Variants in GABRA4 observed in about 807,000 individuals in gnomAD.
GABRA4 encodes gamma-aminobutyric acid receptor subunit alpha-4.
GABRA4 carries 12 observed loss-of-function variants against 49.7 expected under a neutral mutation model. The observed-to-expected ratio is 0.24, with a 90% CI of 0.15 to 0.39. GABRA4 has a LOEUF of 0.39. Among genes scored for constraint, GABRA4 ranks in the 10% least tolerant of loss-of-function variants. The pLI is 1.00. For synonymous variants in GABRA4, 288 were observed against 240.2 expected, an observed-to-expected ratio of 1.20 and a Z score of -1.84; for missense variants, 506 against 686.0, an observed-to-expected ratio of 0.74 and a Z score of 2.93.
At chr4:46,938,592 G>T (rs1247822721) in intron 8 of GABRA4, among the ~76,000 whole-genome samples, 2 of 152,058 alleles carry the variant, frequency 1.3e-5, no homozygotes, top group Non-Finnish European at 2.9e-5. Flanking sequence ...GCTGAATTTG[G>T]AATTCCAATT....
chr4:46,978,289 T>C (rs1208108969), intron 3 of GABRA4, among the ~76,000 whole-genome samples: 1 of 151,896 alleles, frequency 6.6e-6, no homozygotes, highest in African/African-American at 2.4e-5. Flanking sequence ...AGCAATTAGA[T>C]CAACATGAAA....
At chr4:46,966,415 A>G (rs909097625) in intron 7 of GABRA4, among the ~76,000 whole-genome samples, 10 of 151,802 alleles carry the variant, frequency 6.6e-5, no homozygotes, top group African/African-American at 2.4e-4. Context: ...CCGATGCAAT[A>G]TTAAAGGAAT....
chr4:46,964,676 C>T (rs1035955319), intron 8 of GABRA4, among the ~76,000 whole-genome samples: 4 of 151,698 alleles, frequency 2.6e-5, no homozygotes, highest in Admixed American at 1.3e-4. Context: ...CAGGTTCCTC[C>T]TAATAGTATA....
intron 2 of GABRA4, among the ~76,000 whole-genome samples, chr4:46,986,556 C>T (rs534601387): frequency 6.6e-6 from 1 of 152,070 alleles, no homozygotes; most frequent in Non-Finnish European, 1.5e-5. Flanking sequence ...TCTGGAGCCA[C>T]CTCCTAACAT....
chr4:46,957,559 G>C (rs1216258199), intron 8 of GABRA4, among the ~76,000 whole-genome samples: 1 of 151,876 alleles, frequency 6.6e-6, no homozygotes, highest in Non-Finnish European at 1.5e-5. Context: ...CGTTATTATG[G>C]GAAAGGACAA....
chr4:46,960,058 G>A (rs372722537), intron 8 of GABRA4, among the ~76,000 whole-genome samples: 2 of 150,482 alleles, frequency 1.3e-5, no homozygotes, highest in East Asian at 1.9e-4. Flanking sequence ...CAAAATACAT[G>A]AAGAAAGAAA....
chr4:46,959,746 C>T (rs1384544181), intron 8 of GABRA4, among the ~76,000 whole-genome samples: 2 of 116,936 alleles, frequency 1.7e-5, no homozygotes, highest in Admixed American at 2.2e-4. Context: ...TATAATGAGT[C>T]TCATCACTTT....
chr4:46,973,167 G>C (rs191639864), intron 6 of GABRA4, among the ~76,000 whole-genome samples: 17 of 151,934 alleles, frequency 1.1e-4, no homozygotes, highest in Admixed American at 1.1e-3. Flanking sequence ...GTGCCCATCA[G>C]ATGGTGATTG....
intron 2 of GABRA4, among the ~76,000 whole-genome samples, chr4:46,980,826 A>G (rs1276206233): frequency 6.6e-6 from 1 of 152,108 alleles, no homozygotes; most frequent in Non-Finnish European, 1.5e-5. Flanking sequence ...CAACAGTGAA[A>G]CAAATCACTG....
chr4:46,986,239 G>A (rs1723531495), intron 2 of GABRA4, among the ~76,000 whole-genome samples: 1 of 151,686 alleles, frequency 6.6e-6, no homozygotes, highest in South Asian at 2.1e-4. Flanking sequence ...CTGCTTCCAT[G>A]TACAAATGCC....
At chr4:46,959,516 C>G (rs1473065696) in intron 8 of GABRA4, among the ~76,000 whole-genome samples, 1 of 151,810 alleles carries the variant, frequency 6.6e-6, no homozygotes, top group Non-Finnish European at 1.5e-5. Context: ...GCATGTGGAT[C>G]ATGCTGAAAA....
chr4:46,954,082 C>A (rs1177920401), intron 8 of GABRA4, among the ~76,000 whole-genome samples: 1 of 152,092 alleles, frequency 6.6e-6, no homozygotes, highest in African/African-American at 2.4e-5. Flanking sequence ...TTAAAATATT[C>A]TCCAGCAAGT....
chr4:46,983,346 G>C (rs1242370680), intron 2 of GABRA4, among the ~76,000 whole-genome samples: 1 of 151,966 alleles, frequency 6.6e-6, no homozygotes, highest in African/African-American at 2.4e-5. Context: ...TCTTATTACA[G>C]CATACTGCTT....
At chr4:46,970,134 G>A (rs1386329864) in intron 7 of GABRA4, among the ~76,000 whole-genome samples, 3 of 151,316 alleles carry the variant, frequency 2.0e-5, no homozygotes, top group East Asian at 2.0e-4. Context: ...AATAGTTCTT[G>A]AAAAGGATGG....
At chr4:46,955,543 C>T (rs948620955) in intron 8 of GABRA4, among the ~76,000 whole-genome samples, 5 of 152,102 alleles carry the variant, frequency 3.3e-5, no homozygotes, top group Admixed American at 6.6e-5. Flanking sequence ...TGTATTATTA[C>T]CCCTTCTACC....
intron 8 of GABRA4, among the ~76,000 whole-genome samples, chr4:46,931,910 C>T (rs1463755816): frequency 1.3e-5 from 2 of 152,106 alleles, no homozygotes; most frequent in Admixed American, 6.6e-5. Flanking sequence ...CCCGAGCAAG[C>T]GTAATCAACA....
chr4:46,956,274 G>A (rs1722358093), intron 8 of GABRA4, among the ~76,000 whole-genome samples: 1 of 151,958 alleles, frequency 6.6e-6, no homozygotes, highest in Non-Finnish European at 1.5e-5. Context: ...TGAATTGTCG[G>A]TACTGCCTCA....
At chr4:46,967,854 T>A (rs561377484) in intron 7 of GABRA4, among the ~76,000 whole-genome samples, 1 of 151,732 alleles carries the variant, frequency 6.6e-6, no homozygotes, top group South Asian at 2.1e-4. Context: ...CAAGAGTGAA[T>A]TTTTGGCTGG....
chr4:46,944,508 C>G (rs1003468463), intron 8 of GABRA4, among the ~76,000 whole-genome samples: 1 of 152,098 alleles, frequency 6.6e-6, no homozygotes, highest in Non-Finnish European at 1.5e-5. Flanking sequence ...TGCTTGCACA[C>G]ATCCTTGCAA....
Sources: allele counts gnomAD v4.1 joint callset (sites outside exome capture counted in the v4.1 genomes callset), GRCh38; gene constraint gnomAD v4.1.1; transcripts MANE v1.5; gene names NCBI Gene and HGNC (gene_info 2026-07-23, HGNC 2026-07-21).